The following CNTLN variants were observed in gnomAD, a reference collection of about 807,000 sequenced individuals.
CNTLN encodes the protein centlein, centrosomal protein.
CNTLN carries 212 observed loss-of-function variants against 180.0 expected under a neutral mutation model. The observed-to-expected ratio is 1.18, with a 90% CI of 1.05 to 1.32. The LOEUF (loss-of-function observed/expected upper bound fraction) is 1.32. Among genes scored for constraint, CNTLN ranks in the 40% most tolerant of loss-of-function variants. The pLI is 0.00. For synonymous variants in CNTLN, 722 were observed against 563.1 expected, an observed-to-expected ratio of 1.28 and a Z score of -3.99; for missense variants, 2,095 against 1,610.9, an observed-to-expected ratio of 1.30 and a Z score of -5.14.
intron 13 of CNTLN, among the ~76,000 whole-genome samples, chr9:17,375,909 T>C (rs1030846059): frequency 6.6e-6 from 1 of 152,180 alleles, no homozygotes; most frequent in African/African-American, 2.4e-5. Context: ...AAATTAAAGA[T>C]TGATATGACA....
intron 8 of CNTLN, among the ~76,000 whole-genome samples, chr9:17,319,435 A>C (rs949441585): frequency 6.6e-6 from 1 of 152,216 alleles, no homozygotes; most frequent in Non-Finnish European, 1.5e-5. Flanking sequence ...TCGAGGGGAA[A>C]TGGTAGAAAG....
intron 12 of CNTLN, among the ~76,000 whole-genome samples, chr9:17,353,386 TC>T (rs1450086274): frequency 1.3e-5 from 2 of 150,932 alleles, no homozygotes; most frequent in Admixed American, 6.6e-5. Flanking sequence ...CTTGTTATGG[TC>T]TGTTTTTGTT....
chr9:17,234,982 T>C (rs1825048235), intron 3 of CNTLN, among the ~76,000 whole-genome samples: 2 of 152,084 alleles, frequency 1.3e-5, no homozygotes, highest in African/African-American at 4.8e-5. Context: ...GGATTATAGA[T>C]TAGATAGTCT....
At chr9:17,328,212 T>TA (rs1820430723) in intron 8 of CNTLN, among the ~76,000 whole-genome samples, 3 of 152,156 alleles carry the variant, frequency 2.0e-5, no homozygotes, top group African/African-American at 7.2e-5. Flanking sequence ...AGAAGTAAAT[T>TA]AAAGGTTTGG....
intron 3 of CNTLN, among the ~76,000 whole-genome samples, chr9:17,226,980 C>T (rs1006439503): frequency 1.2e-4 from 18 of 151,516 alleles, no homozygotes; most frequent in Non-Finnish European, 1.6e-4. Context: ...ATGTGCACAA[C>T]GTGCAGGTTT....
In CNTLN at chr9:17,395,049, G is replaced by T. The variant is rs200375718; in HGVS notation, c.2595G>T (p.Trp865Cys). 3 of 1,609,110 alleles carry T rather than the reference G, an allele frequency of 1.9e-6. No homozygotes were observed. The highest frequency in any genetic ancestry group is 1.7e-5 in the Admixed American group (1 of 59,844). ...NVFENLSKDG[W>C]EDVSESSSDS... ...TTGAGAACCTCAGCAAGGACGGCTG[G>T]GAGGATGTGAGTGAAAGCAGGTAAG... Residue 865 changes from tryptophan (W) to cysteine (C), a missense_variant, in exon 15 of 26, where the codon TGG becomes TGT. Trp to Cys is a radical substitution (Grantham distance 215). Transcript: ENST00000380647.
At chr9:17,312,553 ATTTTTTTTTT>A (rs56915301) in intron 8 of CNTLN, among the ~76,000 whole-genome samples, 8 of 100,410 alleles carry the variant, frequency 8.0e-5, no homozygotes, top group South Asian at 6.9e-4. Context: ...AGCCCGGCTA[ATTTTTTTTTT>A]TTTTTTTTTT....
chr9:17,223,896 A>C (rs956320958), intron 2 of CNTLN, among the ~76,000 whole-genome samples: 2 of 151,912 alleles, frequency 1.3e-5, no homozygotes, highest in African/African-American at 4.8e-5. Context: ...AAATGTGTGT[A>C]CTTCCGTGCT....
chr9:17,279,644 C>A (rs1828537530), intron 6 of CNTLN, among the ~76,000 whole-genome samples: 1 of 150,348 alleles, frequency 6.7e-6, no homozygotes, highest in Admixed American at 6.6e-5. Context: ...TTTTTTCCTG[C>A]AGAATTATGT....
Position 17,466,038 on chromosome 9 carries a change from C to G in CNTLN, c.3589C>G (p.Gln1197Glu), listed in dbSNP as rs771824766. ...NKKVSIDSLK[Q>E]RLNVAVKEKS... ...GAAGGTATCAATTGATTCACTAAAG[C>G]AAAGACTTAACGTTGCTGTAAAAGA... The change falls in exon 22 of 26, where the codon CAA becomes GAA. Residue 1197 changes from glutamine to glutamate, a missense_variant. Transcript: ENST00000380647. The G allele has an allele frequency of 1.2e-6, 2 of 1,604,726 alleles. 1 individual carries two copies. The highest frequency in any genetic ancestry group is 2.2e-5 in the South Asian group (2 of 90,564).
At chr9:17,280,797 C>G (rs146358066) in intron 6 of CNTLN, among the ~76,000 whole-genome samples, 122 of 152,298 alleles carry the variant, frequency 8.0e-4, no homozygotes, top group Middle Eastern at 3.4e-3. Context: ...TGTATAGTAG[C>G]ATTGTTTATC....
At chr9:17,189,881 T>C (rs1821687308) in intron 2 of CNTLN, among the ~76,000 whole-genome samples, 1 of 152,080 alleles carries the variant, frequency 6.6e-6, no homozygotes, top group African/African-American at 2.4e-5. Context: ...CGAACTATTG[T>C]AAGTCCTCTC....
At chr9:17,439,633 T>A (rs1829991001) in intron 18 of CNTLN, among the ~76,000 whole-genome samples, 1 of 152,230 alleles carries the variant, frequency 6.6e-6, no homozygotes, top group Admixed American at 6.5e-5. Flanking sequence ...AAACATTTTA[T>A]TTAAGAATGA....
chr9:17,451,049 A>C (rs772938067), intron 18 of CNTLN, among the ~76,000 whole-genome samples: 2 of 152,168 alleles, frequency 1.3e-5, no homozygotes, highest in Non-Finnish European at 2.9e-5. Context: ...ATACATTTGA[A>C]TTGACTGTGA....
intron 21 of CNTLN, 29 bp from the exon 22 acceptor site, chr9:17,465,949 CAAT>C (rs1164542831): frequency 1.9e-6 from 3 of 1,559,148 alleles, no homozygotes; most frequent in Non-Finnish European, 2.6e-6. Flanking sequence ...ATGCCTTCAA[CAAT>C]AATAATTACC....
At chr9:17,508,046 G>C (rs1052607894), downstream of CNTLN, among the ~76,000 whole-genome samples, 13 of 152,130 alleles carry the variant, frequency 8.5e-5, no homozygotes, top group Non-Finnish European at 1.9e-4. Flanking sequence ...GAGTCACCCA[G>C]AGAGAAGTAT....
intron 4 of CNTLN, among the ~76,000 whole-genome samples, chr9:17,236,024 A>C (rs778410612): frequency 2.0e-5 from 3 of 152,188 alleles, no homozygotes; most frequent in Non-Finnish European, 4.4e-5. Context: ...GGAGCTAAGA[A>C]AGTAGGAGTG....
chr9:17,146,134 A>G (rs764033646), intron 2 of CNTLN, among the ~76,000 whole-genome samples: 12 of 152,170 alleles, frequency 7.9e-5, no homozygotes, highest in Non-Finnish European at 5.9e-5. Flanking sequence ...TTGAAAATTT[A>G]TCCTTCTTAG....
At chr9:17,377,964 C>G (rs1372060663) in intron 13 of CNTLN, among the ~76,000 whole-genome samples, 2 of 152,158 alleles carry the variant, frequency 1.3e-5, no homozygotes, top group Admixed American at 6.5e-5. Flanking sequence ...TAAAATATTA[C>G]TTTGTTCCAA....
Sources: allele counts gnomAD v4.1 joint callset (sites outside exome capture counted in the v4.1 genomes callset), GRCh38; gene constraint gnomAD v4.1.1; transcripts MANE v1.5; gene names NCBI Gene and HGNC (gene_info 2026-07-23, HGNC 2026-07-21).